CTNND2: variants seen among roughly 807,000 people sequenced by gnomAD.
CTNND2 encodes catenin delta-2.
A neutral mutation model predicts 144.4 loss-of-function variants in CTNND2; 22 were observed. The ratio of observed to expected loss-of-function variants is 0.15; its 90% CI spans 0.11 to 0.22. The LOEUF (loss-of-function observed/expected upper bound fraction) is 0.22. CTNND2 is among the 10% of genes least tolerant of loss of function. The pLI is 1.00. For synonymous variants in CTNND2, 751 were observed against 695.6 expected, an observed-to-expected ratio of 1.08 and a Z score of -1.25; for missense variants, 1,353 against 1,618.8, an observed-to-expected ratio of 0.84 and a Z score of 2.82.
chr5:11,735,197 C>G (rs74365911), intron 1 of CTNND2, among the ~76,000 whole-genome samples: 1 of 152,060 alleles, frequency 6.6e-6, no homozygotes, highest in East Asian at 1.9e-4. Context: ...AAGAGATTTG[C>G]GTAATTATGG....
rs921759791 is a variant in CTNND2, at chr5:11,852,195, G to T, written c.37+51622C>A. On this transcript the variant is annotated intron_variant, in intron 1 of 21. Coordinates refer to ENST00000304623, the MANE Select transcript of CTNND2 (RefSeq NM_001332.4). ...ACACTCAGCCCCAAGAATGCCACAG[G>T]AATGTCACCCAGAGACTGACCTCAA... is the stretch of plus-strand genomic sequence containing the variant. 3.9e-5 allele frequency among the ~76,000 whole-genome samples: 6 copies of T among 152,106 alleles called. No individual in the cohort carries two copies. The South Asian group carries it at 1.2e-3, about 32-fold the overall frequency.
At chr5:11,498,250 C>G (rs1770172877) in intron 3 of CTNND2, among the ~76,000 whole-genome samples, 1 of 151,962 alleles carries the variant, frequency 6.6e-6, no homozygotes, top group South Asian at 2.1e-4. Context: ...CCCTCAAACA[C>G]ACATACACAT....
chr5:11,367,435 C>T lies in CTNND2; in HGVS notation c.1178-2545G>A, dbSNP rs576752826. Reference sequence around the variant, plus strand: ...GGGCAATTTCAAGAAAAAATTCTCACACAATGTTTTCTGGGAATCTGCTAC... The same window carrying T: ...GGGCAATTTCAAGAAAAAATTCTCATACAATGTTTTCTGGGAATCTGCTAC... On this transcript the variant is annotated intron_variant, in intron 7 of 21. Transcript: ENST00000304623. Among the ~76,000 whole-genome samples the T allele has an allele frequency of 7.2e-5, 11 of 152,326 alleles. No homozygotes were observed. In the South Asian group the frequency reaches 2.1e-3, roughly 29 times the overall value.
intron 3 of CTNND2, among the ~76,000 whole-genome samples, chr5:11,483,275 C>A (rs1348156067): frequency 6.6e-6 from 1 of 152,144 alleles, no homozygotes; most frequent in Non-Finnish European, 1.5e-5. Context: ...CATGGAATTA[C>A]CATTTCCTGA....
At chr5:11,453,721 G>A (rs1418653107) in intron 3 of CTNND2, among the ~76,000 whole-genome samples, 1 of 151,840 alleles carries the variant, frequency 6.6e-6, no homozygotes, top group African/African-American at 2.4e-5. Context: ...ATTCAGAATT[G>A]CATTTGTGTA....
rs942385668 is a variant in CTNND2, at chr5:11,251,650, C to G, written c.1629-14827G>C. On this transcript the variant is annotated intron_variant, in intron 9 of 21. Coordinates refer to ENST00000304623, the MANE Select transcript of CTNND2 (RefSeq NM_001332.4). ...GGAAACAGAGCAAACGAATCGTCCT[C>G]ACGACAGCTGTGACCTAACCATTAA... is the stretch of plus-strand genomic sequence containing the variant. Among the ~76,000 whole-genome samples the G allele has an allele frequency of 1.3e-5, 2 of 152,204 alleles. 1 individual carries two copies. The highest frequency in any genetic ancestry group is 4.8e-5 in the African/African-American group (2 of 41,446).
chr5:11,040,761 C>T (rs1744614902), intron 16 of CTNND2, among the ~76,000 whole-genome samples: 1 of 152,148 alleles, frequency 6.6e-6, no homozygotes, highest in Admixed American at 6.5e-5. Context: ...TAATATGATA[C>T]ATTTTAACAG....
chr5:11,137,399 A>G (rs1323836274), intron 12 of CTNND2, among the ~76,000 whole-genome samples: 1 of 152,224 alleles, frequency 6.6e-6, no homozygotes, highest in Non-Finnish European at 1.5e-5. Context: ...TATGATTTGG[A>G]AAATACTATA....
chr5:11,148,419 T>C (rs551850260), intron 12 of CTNND2, among the ~76,000 whole-genome samples: 22 of 152,220 alleles, frequency 1.4e-4, no homozygotes, highest in African/African-American at 5.1e-4. Flanking sequence ...TAACAGAAGG[T>C]GTTGCCGGGT....
At chr5:11,520,674 T>C (rs1302659175) in intron 3 of CTNND2, among the ~76,000 whole-genome samples, 2 of 152,206 alleles carry the variant, frequency 1.3e-5, no homozygotes, top group Admixed American at 1.3e-4. Context: ...GGCCTTGAAT[T>C]GTGGCCCTCA....
At chr5:11,856,785 A>T (rs73743292) in intron 1 of CTNND2, among the ~76,000 whole-genome samples, 2,176 of 152,300 alleles carry the variant, frequency 0.014, 44 homozygotes, top group African/African-American at 0.049. Context: ...TAATATTTTT[A>T]AAATATGTAC....
intron 8 of CTNND2, among the ~76,000 whole-genome samples, chr5:11,360,928 G>A (rs1482681493): frequency 6.6e-6 from 1 of 152,160 alleles, no homozygotes; most frequent in African/African-American, 2.4e-5. Flanking sequence ...GAAAATAAAT[G>A]TCTATCTATT....
chr5:11,322,635 C>CT (rs963118493), intron 9 of CTNND2, among the ~76,000 whole-genome samples: 8 of 151,982 alleles, frequency 5.3e-5, no homozygotes, highest in African/African-American at 1.9e-4. Flanking sequence ...GTTATGTAAG[C>CT]TTTTTTTCAT....
At chr5:11,112,026 T>G (rs935571028) in intron 13 of CTNND2, among the ~76,000 whole-genome samples, 2 of 152,062 alleles carry the variant, frequency 1.3e-5, no homozygotes, top group African/African-American at 4.8e-5. Flanking sequence ...TTTTTTTGTA[T>G]TTTTAGTAGA....
intron 9 of CTNND2, among the ~76,000 whole-genome samples, chr5:11,240,878 ACCCACACACACC>A (rs1742337920): frequency 7.5e-6 from 1 of 134,058 alleles, no homozygotes; most frequent in African/African-American, 2.8e-5. Flanking sequence ...ACACACCCCA[ACCCACACACACC>A]CAAAACACAT....
intron 2 of CTNND2, among the ~76,000 whole-genome samples, chr5:11,652,677 C>A (rs1324075712): frequency 6.6e-6 from 1 of 152,098 alleles, no homozygotes; most frequent in Non-Finnish European, 1.5e-5. Context: ...GTGAAGTAAT[C>A]ACCACAATTA....
chr5:11,427,757 C>T (rs1363921431), intron 3 of CTNND2, among the ~76,000 whole-genome samples: 3 of 152,166 alleles, frequency 2.0e-5, no homozygotes, highest in South Asian at 2.1e-4. Context: ...AGACTTCATT[C>T]CACCCCACTG....
At chr5:11,230,495 T>C (rs944574025) in intron 10 of CTNND2, among the ~76,000 whole-genome samples, 1 of 152,192 alleles carries the variant, frequency 6.6e-6, no homozygotes, top group Non-Finnish European at 1.5e-5. Flanking sequence ...ATGGTGACTT[T>C]CCCAACAATC....
At chr5:11,434,275 C>G (rs1299513421) in intron 3 of CTNND2, among the ~76,000 whole-genome samples, 1 of 152,160 alleles carries the variant, frequency 6.6e-6, no homozygotes. Context: ...ACGAGCAAAA[C>G]TAATCCATGG....
Sources: gnomAD v4.1 joint callset for allele counts (sites outside exome capture counted in the v4.1 genomes callset) on GRCh38, gnomAD v4.1.1 for gene constraint, MANE v1.5 for transcripts, NCBI Gene and HGNC (gene_info 2026-07-23, HGNC 2026-07-21) for gene names.